The following SDK1 variants were observed in gnomAD, a reference collection of about 807,000 sequenced individuals.
The protein encoded by SDK1 is protein sidekick-1.
SDK1 carries 157 observed loss-of-function variants against 245.5 expected under a neutral mutation model. That is an observed-to-expected ratio of 0.64 (90% confidence interval 0.56 to 0.73). The LOEUF is 0.73. SDK1 is among the 30% of genes least tolerant of loss of function. SDK1 has a pLI of 0.00. For missense variants in SDK1, 3,583 were observed against 3,002.3 expected, an observed-to-expected ratio of 1.19 and a Z score of -4.52; for synonymous variants, 1,647 against 1,278.5, an observed-to-expected ratio of 1.29 and a Z score of -6.15.
intron 14 of SDK1, among the ~76,000 whole-genome samples, chr7:4,004,948 C>T (rs1381290456): frequency 2.7e-5 from 4 of 150,290 alleles, no homozygotes; most frequent in African/African-American, 9.8e-5. Context: ...CCGCTTCCTG[C>T]TTGGGCAGAG....
intron 28 of SDK1, among the ~76,000 whole-genome samples, chr7:4,138,169 A>G (rs1345074826): frequency 1.3e-5 from 2 of 152,208 alleles, no homozygotes; most frequent in African/African-American, 4.8e-5. Flanking sequence ...TGCAATTAGC[A>G]GGGATGCCGT....
chr7:4,113,210 A>T, intron 23 of SDK1, 79 bp from the exon 24 acceptor site: 1 of 1,469,752 alleles, frequency 6.8e-7, no homozygotes, highest in Non-Finnish European at 9.3e-7. Context: ...CTTGAGAAAC[A>T]GTCAGCGCCT....
intron 4 of SDK1, among the ~76,000 whole-genome samples, chr7:3,798,410 G>C (rs914784849): frequency 5.9e-5 from 9 of 151,686 alleles, no homozygotes; most frequent in African/African-American, 2.2e-4. Context: ...GTAGAGACAG[G>C]GTTTCACCGT....
intron 4 of SDK1, among the ~76,000 whole-genome samples, chr7:3,695,465 T>C (rs1321025085): frequency 1.3e-5 from 2 of 152,222 alleles, no homozygotes; most frequent in Non-Finnish European, 2.9e-5. Flanking sequence ...TTTTTTGTTA[T>C]GGAGTTCCTA....
At chr7:3,673,724 G>C (rs1198740548) in intron 4 of SDK1, among the ~76,000 whole-genome samples, 2 of 152,290 alleles carry the variant, frequency 1.3e-5, no homozygotes, top group East Asian at 3.9e-4. Context: ...TGCGCCCCCT[G>C]CTGCCTTGTG....
chr7:4,158,930 A>G (rs924727034), intron 31 of SDK1, among the ~76,000 whole-genome samples: 14 of 152,202 alleles, frequency 9.2e-5, no homozygotes, highest in African/African-American at 3.4e-4. Context: ...AGTGATGGGA[A>G]GCGAGGTCTC....
chr7:3,758,044 C>T (rs1033702040), intron 4 of SDK1, among the ~76,000 whole-genome samples: 1 of 152,152 alleles, frequency 6.6e-6, no homozygotes, highest in Non-Finnish European at 1.5e-5. Context: ...TCTCATTATA[C>T]CACAGTTCCT....
At chr7:4,179,535 G>A (rs1782467514) in intron 35 of SDK1, among the ~76,000 whole-genome samples, 1 of 152,136 alleles carries the variant, frequency 6.6e-6, no homozygotes, top group East Asian at 1.9e-4. Flanking sequence ...TTTCCGGAAT[G>A]GTCAAGCGGT....
At chr7:4,205,290 C>G (rs1268207438) in intron 35 of SDK1, among the ~76,000 whole-genome samples, 2 of 152,172 alleles carry the variant, frequency 1.3e-5, no homozygotes, top group African/African-American at 4.8e-5. Flanking sequence ...GATGCCTGAA[C>G]CTGTCATGGG....
chr7:4,185,193 G>C (rs1000188625), intron 35 of SDK1, among the ~76,000 whole-genome samples: 6 of 152,222 alleles, frequency 3.9e-5, no homozygotes, highest in African/African-American at 1.4e-4. Flanking sequence ...CTGTCCTGCA[G>C]TGCTGATAGG....
chr7:3,621,955 T>C (rs1281180912), intron 2 of SDK1, among the ~76,000 whole-genome samples: 2 of 152,188 alleles, frequency 1.3e-5, no homozygotes, highest in Non-Finnish European at 2.9e-5. Context: ...ATTTAATAAG[T>C]CACATGAGAT....
intron 4 of SDK1, among the ~76,000 whole-genome samples, chr7:3,696,775 A>G (rs1162219142): frequency 6.6e-6 from 1 of 152,150 alleles, no homozygotes. Context: ...CTTATATTAA[A>G]TAGTGTATTG....
intron 1 of SDK1, among the ~76,000 whole-genome samples, chr7:3,435,740 C>A (rs1780003336): frequency 6.6e-6 from 1 of 152,164 alleles, no homozygotes; most frequent in South Asian, 2.1e-4. Context: ...CCAACTCCCA[C>A]TGCCTGTCTT....
intron 44 of SDK1, among the ~76,000 whole-genome samples, chr7:4,260,850 A>T (rs1211492703): frequency 1.2e-4 from 18 of 144,934 alleles, no homozygotes; most frequent in Non-Finnish European, 2.6e-4. Flanking sequence ...GTGTGGGAGG[A>T]TGTGTTCATC....
At position 4,267,409 on chromosome 7, in the gene SDK1, G is replaced by C; in HGVS notation, c.*2025G>C. On this transcript the variant is annotated 3_prime_UTR_variant, in exon 45 of 45. Transcript: ENST00000404826. ...CTAAACCAAAAATCCTAGATGCTCT[G>C]CCCAAAGCCACTTCTGCATGAGAAT... 1 of 985,030 alleles carries C rather than the reference G, an allele frequency of 1.0e-6. No individual in the cohort carries two copies. 61.0% of individuals were successfully genotyped at this position (985,030 alleles called of 1,614,324 possible). A position where few individuals can be genotyped will look rare whatever the true frequency, so the allele number is the denominator to read the frequency against.
chr7:4,221,561 T>C (rs1044021794), intron 40 of SDK1, among the ~76,000 whole-genome samples, 197 bp downstream of exon 40: 2 of 152,184 alleles, frequency 1.3e-5, no homozygotes, highest in African/African-American at 4.8e-5. Flanking sequence ...AACTGTGCGG[T>C]TCACCTTAAG....
chr7:3,732,495 T>C (rs1372603124), intron 4 of SDK1, among the ~76,000 whole-genome samples: 1 of 152,242 alleles, frequency 6.6e-6, no homozygotes, highest in Non-Finnish European at 1.5e-5. Context: ...ATCTCTTTAA[T>C]AGTTCGGTTC....
chr7:3,516,479 A>G (rs1437143637), intron 1 of SDK1, among the ~76,000 whole-genome samples: 3 of 152,116 alleles, frequency 2.0e-5, no homozygotes, highest in Non-Finnish European at 4.4e-5. Context: ...GTTCTACTTA[A>G]AGAGCTATTT....
rs189364035 is a variant in SDK1, at chr7:3,401,589, C to T, written c.298+99705C>T. Among the ~76,000 whole-genome samples, 189 of 152,270 alleles carry T rather than the reference C, an allele frequency of 1.2e-3. 4 individuals are homozygous for T. The highest frequency in any genetic ancestry group is 4.4e-3 in the African/African-American group (183 of 41,552). Reference sequence around the variant, plus strand: ...TTGAAGAGGCTGTGGCCACAATATACTGAGCCAGCCGTAGTTCACTGGATG... The same window carrying T: ...TTGAAGAGGCTGTGGCCACAATATATTGAGCCAGCCGTAGTTCACTGGATG... On this transcript the variant is annotated intron_variant, in intron 1 of 44. Coordinates refer to ENST00000404826, the MANE Select transcript of SDK1 (RefSeq NM_152744.4).
Sources: gnomAD v4.1 joint callset for allele counts (sites outside exome capture counted in the v4.1 genomes callset) on GRCh38, gnomAD v4.1.1 for gene constraint, MANE v1.5 for transcripts, NCBI Gene and HGNC (gene_info 2026-07-23, HGNC 2026-07-21) for gene names.